Variants in ZHX3 observed in about 807,000 individuals in gnomAD.
ZHX3 encodes the protein zinc fingers and homeoboxes protein 3.
Under a neutral mutation model 64.5 loss-of-function variants are expected in ZHX3, and 20 were observed. The ratio of observed to expected loss-of-function variants is 0.31; its 90% confidence interval spans 0.22 to 0.45. The LOEUF (loss-of-function observed/expected upper bound fraction) is 0.45. Ranked by LOEUF, ZHX3 falls within the 20% of genes least tolerant of loss-of-function variation. The pLI is 1.00. For missense variants in ZHX3, 1,041 were observed against 1,195.8 expected (o/e 0.87, Z 1.91); for synonymous variants, 423 against 461.6 (o/e 0.92, Z 1.07).
intron 1 of ZHX3, among the ~76,000 whole-genome samples, chr20:41,311,793 T>C (rs928504721): frequency 6.6e-6 from 1 of 152,250 alleles, no homozygotes; most frequent in African/African-American, 2.4e-5. Context: ...TACTGGGTTC[T>C]CCCGAAGATT....
intron 2 of ZHX3, among the ~76,000 whole-genome samples, chr20:41,234,596 C>T (rs2040837560): frequency 6.6e-6 from 1 of 152,224 alleles, no homozygotes; most frequent in South Asian, 2.1e-4. Context: ...GAACTGGCTT[C>T]TTGAGCACTC....
intron 1 of ZHX3, among the ~76,000 whole-genome samples, chr20:41,316,457 C>G (rs951016068): frequency 6.6e-6 from 1 of 152,122 alleles, no homozygotes; most frequent in African/African-American, 2.4e-5. Flanking sequence ...TATTGCAATA[C>G]TAAGTTACCA....
chr20:41,238,558 CATT>C (rs1246394573), intron 2 of ZHX3: 1 of 152,110 alleles, frequency 6.6e-6, no homozygotes, highest in East Asian at 1.9e-4. Context: ...AACATCTGCT[CATT>C]GTGAAAAATG....
At chr20:41,316,515 G>C (rs2045291086) in intron 1 of ZHX3, among the ~76,000 whole-genome samples, 1 of 152,170 alleles carries the variant, frequency 6.6e-6, no homozygotes, top group South Asian at 2.1e-4. Flanking sequence ...TGTATAAATG[G>C]AAACTACTGT....
intron 2 of ZHX3, among the ~76,000 whole-genome samples, chr20:41,257,583 A>G (rs1029744416): frequency 5.3e-5 from 8 of 151,052 alleles, no homozygotes; most frequent in Non-Finnish European, 8.9e-5. Context: ...AGAAAATAAG[A>G]TCTTGTCAGG....
intron 1 of ZHX3, among the ~76,000 whole-genome samples, chr20:41,276,585 G>C (rs1395302326): frequency 6.6e-6 from 1 of 152,186 alleles, no homozygotes; most frequent in Admixed American, 6.5e-5. Flanking sequence ...GGAGTTTTCA[G>C]TTAATTTGCA....
chr20:41,242,152 T>C (rs976599679), intron 2 of ZHX3, among the ~76,000 whole-genome samples: 1 of 152,234 alleles, frequency 6.6e-6, no homozygotes, highest in Admixed American at 6.5e-5. Context: ...TACCATCAAC[T>C]GGATAAAATT....
rs73907127 is a variant in ZHX3 at position 41,298,274 on chromosome 20, T to G, written c.-245+19235A>C. 7.0e-3 allele frequency among the ~76,000 whole-genome samples: 1,066 copies of G among 152,280 alleles called. 8 individuals carry two copies. Among genetic ancestry groups the G allele is most frequent in the African/African-American group, 0.025 (1,023 of 41,556 alleles). On this transcript the variant is annotated intron_variant, in intron 1 of 3. Transcript: ENST00000683867. ...CCCAGCCTTTCCAAACCTCCATTTC[T>G]TCATCATTAAAATGAGGTCAATAAC...
chr20:41,263,600 T>C (rs1169421715), intron 2 of ZHX3, among the ~76,000 whole-genome samples: 1 of 152,124 alleles, frequency 6.6e-6, no homozygotes, highest in African/African-American at 2.4e-5. Context: ...GGTTTCACCA[T>C]GTTGCTGAGG....
intron 3 of ZHX3, chr20:41,196,690 T>G: frequency 6.0e-6 from 1 of 166,416 alleles, no homozygotes; most frequent in Non-Finnish European, 1.2e-5. Flanking sequence ...ACACTGGAGG[T>G]GAAGAAGGAA....
chr20:41,293,873 C>T (rs1291134990), intron 1 of ZHX3, among the ~76,000 whole-genome samples: 1 of 152,196 alleles, frequency 6.6e-6, no homozygotes, highest in African/African-American at 2.4e-5. Flanking sequence ...ATGCCAGGAG[C>T]TAAGGATACA....
At chr20:41,217,894 C>T (rs2039640763) in intron 2 of ZHX3, among the ~76,000 whole-genome samples, 1 of 152,214 alleles carries the variant, frequency 6.6e-6, no homozygotes, top group African/African-American at 2.4e-5. Flanking sequence ...ATTCTGAATA[C>T]CAACTAAACA....
At chr20:41,227,928 C>T (rs955486239) in intron 2 of ZHX3, among the ~76,000 whole-genome samples, 1 of 152,134 alleles carries the variant, frequency 6.6e-6, no homozygotes, top group African/African-American at 2.4e-5. Context: ...CATCTTCCCC[C>T]TCCCCCATGC....
At chr20:41,249,238 T>TA (rs3091740) in intron 2 of ZHX3, among the ~76,000 whole-genome samples, 11,194 of 147,482 alleles carry the variant, frequency 0.076, 579 homozygotes, top group Middle Eastern at 0.15. Context: ...ATTGTTCACA[T>TA]AAAAAAAAAA....
chr20:41,204,936 T>G lies in ZHX3; in HGVS notation c.-20A>C, dbSNP rs763766382. 1.2e-5 allele frequency: 19 copies of G among 1,521,288 alleles called. No homozygotes were observed. In the East Asian group the frequency reaches 3.4e-4, roughly 27 times the overall value. 94.2% of individuals were successfully genotyped at this position (1,521,288 alleles called of 1,614,324 possible). On this transcript the variant is annotated 5_prime_UTR_variant, in exon 3 of 4. An upstream open reading frame in the 5' UTR loses its in-frame stop. Coordinates refer to ENST00000683867, the MANE Select transcript of ZHX3 (RefSeq NM_001384317.1). This position sits in a 1 kb window ranked among gnomAD's most constrained non-coding sequence, Gnocchi z 6.6. ...GGCCATGGTGACAATCACTGGGTGA[T>G]CAGCAGTTGAGAGCTTGTCCCATAA...
chr20:41,183,693 G>A lies in ZHX3; in HGVS notation c.*1498C>T, dbSNP rs1697005852. 1 of 152,304 alleles carries A rather than the reference G, an allele frequency of 6.6e-6. No individual in the cohort carries two copies. The highest frequency in any genetic ancestry group is 2.1e-4 in the South Asian group (1 of 4,824). 9.4% of individuals were successfully genotyped at this position (152,304 alleles called of 1,614,324 possible). A position where few individuals can be genotyped will look rare whatever the true frequency, so the allele number is the denominator to read the frequency against. On this transcript the variant is annotated 3_prime_UTR_variant, in exon 4 of 4. Coordinates refer to ENST00000683867, the MANE Select transcript of ZHX3 (RefSeq NM_001384317.1). This position sits in a 1 kb window ranked among gnomAD's most constrained non-coding sequence, Gnocchi z 5.3. ...TGTGCCCACGAAGCCTGGTACTTGT[G>A]GCTTGGCACTCTGGGAAGCAGGTGG...
chr20:41,204,172 T>C lies in ZHX3; in HGVS notation c.745A>G (p.Asn249Asp). Residue 249 changes from asparagine (N) to aspartate (D), a missense_variant, in exon 3 of 4, where the codon AAC (asparagine) becomes GAC (aspartate). Physicochemically the swap from Asn to Asp is conservative, Grantham distance 23. Around this residue, in one of 4 missense-constraint regions of ZHX3, gnomAD observed 358 missense variants for 369.1 expected, o/e 0.97. Transcript: ENST00000683867. This position sits in a 1 kb window ranked among gnomAD's most constrained non-coding sequence, Gnocchi z 6.6. ...VSQASASSAK[N>D]PHAANGPLIG... ...AGGGGCCCGTTGGCGGCATGGGGGT[T>C]TTTTGCAGAGCTGGCAGATGCCTGG... 1 of 1,608,656 alleles carries C rather than the reference T, an allele frequency of 6.2e-7. No individual in the cohort carries two copies. Among genetic ancestry groups the C allele is most frequent in the Non-Finnish European group, 8.5e-7 (1 of 1,177,292 alleles).
chr20:41,190,784 CATTTATGAAGGATA>C (rs1252793774), intron 3 of ZHX3, among the ~76,000 whole-genome samples: 1 of 152,194 alleles, frequency 6.6e-6, no homozygotes, highest in African/African-American at 2.4e-5. Context: ...ATTTCTCCTT[CATTTATGAAGGATA>C]ATTTTGCTAG....
Position 41,184,629 on chromosome 20 carries a change from C to A in ZHX3, c.*562G>T. ...TGCAGCAGAGATCTCTTCAAAGGTA[C>A]TGCTTCCTTGAGGAACACAAAGGGG... is the stretch of plus-strand genomic sequence containing the variant. On this transcript the variant is annotated 3_prime_UTR_variant, in exon 4 of 4. Transcript: ENST00000683867. 2.3e-6 allele frequency: 1 copy of A among 434,686 alleles called. No homozygotes were observed. The allele number at this position is 434,686 out of a possible 1,614,324, so 26.9% of individuals were successfully genotyped here. A position where few individuals can be genotyped will look rare whatever the true frequency, so the allele number is the denominator to read the frequency against.
Sources: allele counts gnomAD v4.1 joint callset (sites outside exome capture counted in the v4.1 genomes callset), GRCh38; gene constraint gnomAD v4.1.1; regional missense constraint gnomAD v4.1.1; non-coding constraint Gnocchi (gnomAD v3.1); transcripts MANE v1.5; gene names NCBI Gene and HGNC (gene_info 2026-07-23, HGNC 2026-07-21).